Variants in SH3KBP1 observed in about 807,000 individuals in gnomAD.
The protein encoded by SH3KBP1 is SH3 domain containing kinase binding protein 1, also known as SH3 domain-containing kinase-binding protein 1.
SH3KBP1 carries 8 observed loss-of-function variants against 50.1 expected under a neutral mutation model. The ratio of observed to expected loss-of-function variants is 0.16; its 90% confidence interval spans 0.09 to 0.29. The LOEUF is 0.29. SH3KBP1 is among the 10% of genes least tolerant of loss of function. The probability of loss-of-function intolerance (pLI) is 1.00; values close to 1 mark genes in which losing one functional copy is unlikely to be tolerated. For synonymous variants in SH3KBP1, 227 were observed against 218.6 expected, an observed-to-expected ratio of 1.04 and a Z score of -0.34; for missense variants, 377 against 535.2, an observed-to-expected ratio of 0.70 and a Z score of 2.92.
At chrX:19,787,666 AG>A (rs2066389871) in intron 2 of SH3KBP1, among the ~76,000 whole-genome samples, 1 of 112,021 alleles carries the variant, frequency 8.9e-6, no homozygotes, top group African/African-American at 3.3e-5. Context: ...AAAAGTTACA[AG>A]TAACATTGAT....
intron 8 of SH3KBP1, among the ~76,000 whole-genome samples, chrX:19,611,843 C>T (rs1245182426): frequency 9.5e-6 from 1 of 105,795 alleles, no homozygotes; most frequent in African/African-American, 3.5e-5. Flanking sequence ...AGGGAGAACA[C>T]AATATGTCTA....
intron 8 of SH3KBP1, among the ~76,000 whole-genome samples, chrX:19,615,253 A>C (rs528649185): frequency 1.9e-3 from 217 of 112,795 alleles, no homozygotes; most frequent in Middle Eastern, 4.6e-3. Flanking sequence ...AACTGAAAAC[A>C]TAAAAATGGG....
chrX:19,598,550 A>G (rs2066981775), intron 9 of SH3KBP1, among the ~76,000 whole-genome samples: 1 of 111,851 alleles, frequency 8.9e-6, no homozygotes, highest in Non-Finnish European at 1.9e-5. Context: ...CTTCTTCACT[A>G]AGCTCGATCA....
At chrX:19,851,483 T>C (rs1222226861) in intron 1 of SH3KBP1, among the ~76,000 whole-genome samples, 1 of 112,711 alleles carries the variant, frequency 8.9e-6, no homozygotes, top group Non-Finnish European at 1.9e-5. Flanking sequence ...TGTTTGCCTC[T>C]GTAGACCCAG....
rs758787176 is a variant in SH3KBP1, at chrX:19,758,537, T to A, written c.163-12096A>T. ...GCTAATTATGCTCCAAAAGGTTAAT[T>A]ACACGATCTCAAATTGAGTCCCCTG... On this transcript the variant is annotated intron_variant, in intron 2 of 17. Coordinates refer to ENST00000397821, the MANE Select transcript of SH3KBP1 (RefSeq NM_031892.3). 5.4e-5 allele frequency among the ~76,000 whole-genome samples: 6 copies of A among 110,703 alleles called. No individual in the cohort carries two copies. The South Asian group carries it at 1.2e-3, about 21-fold the overall frequency.
chrX:19,836,825 T>A (rs892405979), intron 1 of SH3KBP1, among the ~76,000 whole-genome samples: 1 of 111,972 alleles, frequency 8.9e-6, no homozygotes, highest in Non-Finnish European at 1.9e-5. Context: ...TGGGAGGTAA[T>A]TGAACTATGA....
intron 3 of SH3KBP1, among the ~76,000 whole-genome samples, 160 bp downstream of exon 3, chrX:19,746,158 C>T (rs1289357708): frequency 1.8e-5 from 2 of 113,081 alleles, no homozygotes; most frequent in African/African-American, 6.4e-5. Context: ...TACATATAGT[C>T]ACTTGCCAAG....
intron 8 of SH3KBP1, among the ~76,000 whole-genome samples, chrX:19,608,306 C>CTTTTT (rs57794070): frequency 6.8e-4 from 59 of 87,232 alleles, no homozygotes; most frequent in African/African-American, 1.6e-3. Flanking sequence ...TTCTTTCTTT[C>CTTTTT]TTTTTTTTTT....
intron 8 of SH3KBP1, among the ~76,000 whole-genome samples, chrX:19,616,418 A>C (rs1037241443): frequency 8.9e-6 from 1 of 111,991 alleles, no homozygotes; most frequent in African/African-American, 3.2e-5. Flanking sequence ...GCAACAAGAA[A>C]CTGGGTGGAT....
At chrX:19,755,239 T>C (rs12011273) in intron 2 of SH3KBP1, among the ~76,000 whole-genome samples, 31,319 of 110,240 alleles carry the variant, frequency 0.28, 5,079 homozygotes, top group African/African-American at 0.62. Flanking sequence ...TGTGGTGGCG[T>C]GTGCCTGTAA....
intron 15 of SH3KBP1, among the ~76,000 whole-genome samples, chrX:19,544,956 C>A (rs1387558855): frequency 1.8e-5 from 2 of 112,142 alleles, no homozygotes; most frequent in Non-Finnish European, 3.8e-5. Context: ...CCAGAAAAAA[C>A]GGGTCTAAAT....
intron 1 of SH3KBP1, among the ~76,000 whole-genome samples, chrX:19,845,777 A>T (rs980476705): frequency 1.8e-5 from 2 of 108,469 alleles, no homozygotes; most frequent in African/African-American, 6.7e-5. Flanking sequence ...TGCCCAGCTA[A>T]TTTTTGTATT....
rs759920438 is a variant in SH3KBP1 at position 19,631,383 on chromosome X, A to T, written c.897+481T>A. 3.6e-5 allele frequency among the ~76,000 whole-genome samples: 4 copies of T among 112,625 alleles called. No homozygotes were observed. The East Asian group carries it at 1.1e-3, about 31-fold the overall frequency. Reference sequence around the variant, plus strand: ...CTCTGGCTCTAATAATAATAAAATCATTCAATCTTCTTAGCCCAAACGAGA... The same window carrying T: ...CTCTGGCTCTAATAATAATAAAATCTTTCAATCTTCTTAGCCCAAACGAGA... On this transcript the variant is annotated intron_variant, in intron 8 of 17. Transcript: ENST00000397821.
chrX:19,562,418 ACATT>A (rs1724939878), intron 13 of SH3KBP1, among the ~76,000 whole-genome samples: 2 of 111,411 alleles, frequency 1.8e-5, no homozygotes, highest in Admixed American at 1.9e-4. Flanking sequence ...CCTTGCTTCC[ACATT>A]CATTTTCAGT....
At chrX:19,575,241 G>A (rs1245575037) in intron 12 of SH3KBP1, among the ~76,000 whole-genome samples, 2 of 112,313 alleles carry the variant, frequency 1.8e-5, no homozygotes, top group Admixed American at 9.4e-5. Context: ...TTGTTCTAAT[G>A]GCACTGGATA....
At chrX:19,543,387 G>A (rs777604705) in intron 15 of SH3KBP1, among the ~76,000 whole-genome samples, 4 of 111,804 alleles carry the variant, frequency 3.6e-5, no homozygotes, top group Non-Finnish European at 7.5e-5. Flanking sequence ...AAAGAGGGGA[G>A]GAAGAGGGGA....
intron 6 of SH3KBP1, among the ~76,000 whole-genome samples, chrX:19,653,110 C>T (rs1454118274): frequency 9.0e-6 from 1 of 111,490 alleles, no homozygotes; most frequent in Non-Finnish European, 1.9e-5. Context: ...CCACCTCAGC[C>T]TCCCAAGTGG....
At chrX:19,643,962 TA>T (rs1484918810) in intron 7 of SH3KBP1, among the ~76,000 whole-genome samples, 2 of 111,925 alleles carry the variant, frequency 1.8e-5, no homozygotes, top group African/African-American at 6.5e-5. Flanking sequence ...GGGCTTCCTA[TA>T]AACCCACTCT....
rs141568221 is a variant in SH3KBP1 at position 19,786,810 on chromosome X, C to T, written c.163-40369G>A. The stretch of plus-strand genomic sequence containing the variant: ...ACTGTCCTGCACCTTGCTTTTCTCA[C>T]TGAACAATAATATATTTGGAAGGTC... On this transcript the variant is annotated intron_variant, in intron 2 of 17. Coordinates refer to ENST00000397821, the MANE Select transcript of SH3KBP1 (RefSeq NM_031892.3). Among the ~76,000 whole-genome samples, 438 of 111,981 alleles carry T rather than the reference C, an allele frequency of 3.9e-3. 2 individuals carry two copies. Among genetic ancestry groups the T allele is most frequent in the African/African-American group, 0.013 (414 of 30,842 alleles).
Sources: allele counts gnomAD v4.1 joint callset (sites outside exome capture counted in the v4.1 genomes callset), GRCh38; gene constraint gnomAD v4.1.1; transcripts MANE v1.5; gene names NCBI Gene and HGNC (gene_info 2026-07-23, HGNC 2026-07-21).